Variants in OPHN1 observed in about 807,000 individuals in gnomAD.
OPHN1 encodes the protein oligophrenin 1.
OPHN1 carries 11 observed loss-of-function variants against 60.7 expected under a neutral mutation model. That is an observed-to-expected ratio of 0.18 (90% CI 0.11 to 0.30). The LOEUF (loss-of-function observed/expected upper bound fraction) is 0.30. Ranked by LOEUF, OPHN1 falls within the 10% of genes least tolerant of loss-of-function variation. The pLI is 1.00. For synonymous variants in OPHN1, 226 were observed against 222.6 expected, an observed-to-expected ratio of 1.02 and a Z score of -0.14; for missense variants, 449 against 611.0, an observed-to-expected ratio of 0.73 and a Z score of 2.80.
intron 2 of OPHN1, among the ~76,000 whole-genome samples, chrX:68,411,088 C>T (rs1267358867): frequency 9.0e-6 from 1 of 111,328 alleles, no homozygotes; most frequent in Non-Finnish European, 1.9e-5. Flanking sequence ...TTAATGTGCA[C>T]AGGAATCATA....
chrX:68,270,896 A>T (rs1337013383), intron 5 of OPHN1, among the ~76,000 whole-genome samples: 1 of 111,441 alleles, frequency 9.0e-6, no homozygotes, highest in East Asian at 2.8e-4. Context: ...CCAGATCTCA[A>T]TTCATATCCA....
At chrX:68,396,331 G>A (rs2078683580) in intron 2 of OPHN1, among the ~76,000 whole-genome samples, 1 of 96,511 alleles carries the variant, frequency 1.0e-5, no homozygotes, top group Admixed American at 1.2e-4. Context: ...TTGGAAGGCT[G>A]ATGTGGGAGG....
intron 15 of OPHN1, among the ~76,000 whole-genome samples, chrX:68,175,061 C>T (rs758963469): frequency 9.3e-6 from 1 of 107,908 alleles, no homozygotes; most frequent in African/African-American, 3.4e-5. Flanking sequence ...TCCAGCCTAG[C>T]GACAGAGCGA....
At chrX:68,337,298 T>C (rs1050581366) in intron 2 of OPHN1, among the ~76,000 whole-genome samples, 2 of 111,548 alleles carry the variant, frequency 1.8e-5, no homozygotes, top group African/African-American at 6.5e-5. Flanking sequence ...TCTAGGATAA[T>C]TATTATAAAA....
intron 2 of OPHN1, among the ~76,000 whole-genome samples, chrX:68,338,305 C>T (rs1413662668): frequency 1.8e-5 from 2 of 112,336 alleles, no homozygotes; most frequent in South Asian, 3.7e-4. Flanking sequence ...ATTCTTCTCA[C>T]GTGCACTAAT....
Position 68,396,058 on chromosome X carries a change from G to C in OPHN1, c.154+36809C>G, listed in dbSNP as rs911053244. The stretch of plus-strand genomic sequence containing the variant: ...GGATTCAGAGCAATAGATTACTGGC[G>C]GTGGAGGCTGGCTGGTGGGACCCTC... On this transcript the variant is annotated intron_variant, in intron 2 of 24. Coordinates refer to ENST00000355520, the MANE Select transcript of OPHN1 (RefSeq NM_002547.3). 3.6e-5 allele frequency among the ~76,000 whole-genome samples: 4 copies of C among 109,976 alleles called. No individual in the cohort carries two copies. The Admixed American group carries it at 3.9e-4, about 11-fold the overall frequency.
intron 15 of OPHN1, among the ~76,000 whole-genome samples, chrX:68,146,123 T>C (rs901829883): frequency 4.4e-5 from 5 of 112,453 alleles, no homozygotes; most frequent in Non-Finnish European, 7.5e-5. Flanking sequence ...ACTGCTAGCA[T>C]TGAAAAATTA....
intron 2 of OPHN1, among the ~76,000 whole-genome samples, chrX:68,317,518 A>G (rs2078210914): frequency 1.2e-4 from 6 of 52,034 alleles, no homozygotes; most frequent in Admixed American, 4.1e-4. Context: ...AAAGAGAGAG[A>G]GAAAGAAAGA....
chrX:68,300,595 A>C (rs182875322), intron 2 of OPHN1, among the ~76,000 whole-genome samples: 27 of 112,350 alleles, frequency 2.4e-4, no homozygotes, highest in African/African-American at 7.7e-4. Context: ...CACCCTTCAA[A>C]TCCTTTCACA....
chrX:68,193,074 G>T (rs1336758796), intron 14 of OPHN1, 81 bp from the exon 15 acceptor site: 3 of 728,406 alleles, frequency 4.1e-6, no homozygotes, highest in Admixed American at 4.5e-5. Context: ...GGTCAATTCA[G>T]ATAGGAAGGG....
At chrX:68,064,267 A>C in intron 20 of OPHN1, 90 bp from the exon 21 acceptor site, 2 of 877,637 alleles carry the variant, frequency 2.3e-6, no homozygotes, top group South Asian at 4.4e-5. Context: ...AATTTTGAAA[A>C]TTTGTATACA....
intron 2 of OPHN1, among the ~76,000 whole-genome samples, chrX:68,348,807 A>T (rs1181332588): frequency 8.9e-6 from 1 of 111,770 alleles, no homozygotes; most frequent in Non-Finnish European, 1.9e-5. Context: ...CTTCAAGGAT[A>T]AGGAGATGTT....
intron 18 of OPHN1, among the ~76,000 whole-genome samples, chrX:68,107,052 C>T (rs774095639): frequency 8.9e-6 from 1 of 111,950 alleles, no homozygotes; most frequent in African/African-American, 3.2e-5. Flanking sequence ...AAGTACATTG[C>T]TTCAACCCTA....
intron 10 of OPHN1, among the ~76,000 whole-genome samples, chrX:68,203,665 C>T (rs182973039): frequency 8.1e-4 from 91 of 112,063 alleles, no homozygotes; most frequent in Non-Finnish European, 2.6e-4. Context: ...GCCCACCATT[C>T]CAATCTCATC....
At chrX:68,142,363 A>G (rs769994834) in intron 15 of OPHN1, among the ~76,000 whole-genome samples, 54 of 112,459 alleles carry the variant, frequency 4.8e-4, no homozygotes, top group African/African-American at 1.7e-3. Context: ...TGAGATAGGG[A>G]CAAGCATGTA....
chrX:68,305,541 T>C (rs762929799), intron 2 of OPHN1, among the ~76,000 whole-genome samples: 1 of 112,491 alleles, frequency 8.9e-6, no homozygotes, highest in South Asian at 3.7e-4. Context: ...ACCTCTTGCT[T>C]AGCCTTGAGG....
chrX:68,117,975 A>G (rs2077134477), intron 16 of OPHN1, among the ~76,000 whole-genome samples: 1 of 112,052 alleles, frequency 8.9e-6, no homozygotes, highest in African/African-American at 3.2e-5. Flanking sequence ...GAAGGAAGCT[A>G]GAGATACAGA....
intron 2 of OPHN1, among the ~76,000 whole-genome samples, chrX:68,314,309 G>C (rs2078188052): frequency 9.0e-6 from 1 of 110,993 alleles, no homozygotes; most frequent in African/African-American, 3.3e-5. Context: ...ATCACTTGAG[G>C]TCAGGAGTTC....
intron 2 of OPHN1, among the ~76,000 whole-genome samples, chrX:68,370,589 G>T: frequency 9.0e-6 from 1 of 111,085 alleles, no homozygotes. Flanking sequence ...TAACTACACA[G>T]GCAAATATAA....
Sources: gnomAD v4.1 joint callset for allele counts (sites outside exome capture counted in the v4.1 genomes callset) on GRCh38, gnomAD v4.1.1 for gene constraint, MANE v1.5 for transcripts, NCBI Gene and HGNC (gene_info 2026-07-23, HGNC 2026-07-21) for gene names.